TRHDE: variants seen among roughly 807,000 people sequenced by gnomAD.
TRHDE encodes the protein thyrotropin-releasing hormone-degrading ectoenzyme.
TRHDE carries 72 observed loss-of-function variants against 125.7 expected under a neutral mutation model. The observed-to-expected ratio is 0.57, with a 90% CI of 0.47 to 0.70. TRHDE has a LOEUF of 0.70. Among genes scored for constraint, TRHDE ranks in the 30% least tolerant of loss-of-function variants. The pLI, the probability that TRHDE is intolerant of heterozygous loss-of-function variation, is 0.00. For synonymous variants in TRHDE, 509 were observed against 509.1 expected, an observed-to-expected ratio of 1.00 and a Z score of 0.00; for missense variants, 1,110 against 1,327.1, an observed-to-expected ratio of 0.84 and a Z score of 2.54.
In TRHDE at chr12:72,507,893, C is replaced by A. The variant is rs561308451; in HGVS notation, c.1722+8258C>A. The stretch of plus-strand genomic sequence containing the variant: ...CTCTGTGCAGTCTTGGGACATGGCA[C>A]CCTGCATTGTGGCTGCCCTAGCTCC... On this transcript the variant is annotated intron_variant, in intron 6 of 18. Coordinates refer to ENST00000261180, the MANE Select transcript of TRHDE (RefSeq NM_013381.3). Among the ~76,000 whole-genome samples, 9 of 152,314 alleles carry A rather than the reference C, an allele frequency of 5.9e-5. No individual in the cohort carries two copies. The South Asian group carries it at 6.2e-4, about 11-fold the overall frequency.
intron 6 of TRHDE, among the ~76,000 whole-genome samples, chr12:72,501,805 G>T (rs750048632): frequency 3.3e-5 from 5 of 151,892 alleles, no homozygotes; most frequent in Non-Finnish European, 7.4e-5. Flanking sequence ...TAGCAGTAGG[G>T]ACCTGAAATT....
Position 72,542,273 on chromosome 12 carries a change from T to C in TRHDE, c.1723-18T>C. ...TACTTTGTTGAAATTCTGTTCTTTT[T>C]ATTATTCTTTCCTATAGGGTGCTGC... On this transcript the variant is annotated intron_variant, in intron 6 of 18. Transcript: ENST00000261180. 6.4e-7 allele frequency: 1 copy of C among 1,571,910 alleles called. No individual in the cohort carries two copies. The highest frequency in any genetic ancestry group is 2.3e-5 in the East Asian group (1 of 44,328).
At chr12:72,450,082 G>C (rs1003360668) in intron 3 of TRHDE, among the ~76,000 whole-genome samples, 1 of 151,682 alleles carries the variant, frequency 6.6e-6, no homozygotes, top group African/African-American at 2.4e-5. Context: ...AATCCCTCTG[G>C]GTATATCTCC....
chr12:72,207,434 T>C (rs1877690446), intron 2 of TRHDE, among the ~76,000 whole-genome samples: 1 of 152,142 alleles, frequency 6.6e-6, no homozygotes, highest in South Asian at 2.1e-4. Context: ...GGGTACCATA[T>C]GTCAATACTA....
Position 72,272,436 on chromosome 12 carries a change from C to G in TRHDE, c.-208C>G, listed in dbSNP as rs1045939875. The G allele has an allele frequency of 1.9e-5, 9 of 472,226 alleles. No homozygotes were observed. Among genetic ancestry groups the G allele is most frequent in the South Asian group, 8.8e-5 (4 of 45,674 alleles). The allele number at this position is 472,226 out of a possible 1,614,324, so 29.3% of individuals were successfully genotyped here. ...TGGGCGCGTCCCAGAGCTCACAGCC[C>G]GGTGTCCAGAGTGAGGCGGGGCTGA... On this transcript the variant is annotated 5_prime_UTR_variant, in exon 1 of 19. Coordinates refer to ENST00000261180, the MANE Select transcript of TRHDE (RefSeq NM_013381.3). This position sits in a 1 kb window ranked among gnomAD's most constrained non-coding sequence, Gnocchi z 6.7.
At chr12:72,589,364 T>TTCTGGGACTTAAAG (rs1871575221) in intron 12 of TRHDE, among the ~76,000 whole-genome samples, 1 of 152,176 alleles carries the variant, frequency 6.6e-6, no homozygotes, top group Non-Finnish European at 1.5e-5. Flanking sequence ...ACACTTTAAG[T>TTCTGGGACTTAAAG]TCTGGGATAC....
chr12:72,262,297 T>C (rs1167272872), intron 2 of TRHDE, among the ~76,000 whole-genome samples: 6 of 152,184 alleles, frequency 3.9e-5, no homozygotes, highest in Non-Finnish European at 7.4e-5. Context: ...AAGACTTGAT[T>C]ATTTGCATAT....
intron 2 of TRHDE, among the ~76,000 whole-genome samples, chr12:72,133,647 T>C (rs990164747): frequency 6.6e-6 from 1 of 151,514 alleles, no homozygotes; most frequent in Admixed American, 6.6e-5. Context: ...ATGACTGATA[T>C]AGAGGTCCAT....
At chr12:72,241,889 A>C (rs1377070604) in intron 2 of TRHDE, among the ~76,000 whole-genome samples, 3 of 151,982 alleles carry the variant, frequency 2.0e-5, no homozygotes, top group Admixed American at 2.0e-4. Context: ...TCATGGTTTT[A>C]ATTTGCATTA....
At chr12:72,363,602 G>A (rs905655083) in intron 2 of TRHDE, among the ~76,000 whole-genome samples, 1 of 152,028 alleles carries the variant, frequency 6.6e-6, no homozygotes, top group Non-Finnish European at 1.5e-5. Context: ...AATAAATTAG[G>A]TACTGATGGG....
At chr12:72,522,842 T>C (rs1868271575) in intron 6 of TRHDE, among the ~76,000 whole-genome samples, 1 of 152,144 alleles carries the variant, frequency 6.6e-6, no homozygotes, top group African/African-American at 2.4e-5. Context: ...GAAATGAAGA[T>C]CATGGAGAGT....
At chr12:72,299,844 G>A (rs1389204190) in intron 2 of TRHDE, among the ~76,000 whole-genome samples, 4 of 152,174 alleles carry the variant, frequency 2.6e-5, no homozygotes, top group Middle Eastern at 6.8e-3. Context: ...GTTTTATAAA[G>A]AAAAGGTAAC....
intron 12 of TRHDE, among the ~76,000 whole-genome samples, chr12:72,612,000 C>G (rs1170717731): frequency 2.6e-5 from 4 of 152,190 alleles, no homozygotes; most frequent in Non-Finnish European, 5.9e-5. Flanking sequence ...TTATTTCAGG[C>G]TTTTCATGCT....
At chr12:72,612,879 C>T (rs1872685521) in intron 12 of TRHDE, among the ~76,000 whole-genome samples, 1 of 151,972 alleles carries the variant, frequency 6.6e-6, no homozygotes, top group Non-Finnish European at 1.5e-5. Flanking sequence ...TATTAAGTAC[C>T]CAGTGGACTC....
chr12:72,294,137 GA>G (rs1880197900), intron 2 of TRHDE, among the ~76,000 whole-genome samples: 1 of 152,204 alleles, frequency 6.6e-6, no homozygotes, highest in Non-Finnish European at 1.5e-5. Flanking sequence ...TGGGCTCCCA[GA>G]AGGACTGCAG....
intron 5 of TRHDE, among the ~76,000 whole-genome samples, chr12:72,479,861 G>A (rs1466290306): frequency 1.4e-5 from 2 of 142,294 alleles, no homozygotes; most frequent in African/African-American, 5.2e-5. Context: ...CCCTTCCTGT[G>A]TCCATGTGTT....
intron 2 of TRHDE, among the ~76,000 whole-genome samples, chr12:72,325,611 A>G (rs1358268171): frequency 6.6e-6 from 1 of 152,184 alleles, no homozygotes; most frequent in African/African-American, 2.4e-5. Context: ...CCTATATTTA[A>G]TCATTCTTTA....
At chr12:72,311,052 A>G (rs1253581497) in intron 2 of TRHDE, among the ~76,000 whole-genome samples, 1 of 152,122 alleles carries the variant, frequency 6.6e-6, no homozygotes, top group Non-Finnish European at 1.5e-5. Flanking sequence ...TACCCTTCTT[A>G]GGTATATAGT....
intron 2 of TRHDE, among the ~76,000 whole-genome samples, chr12:72,315,764 C>G (rs934252595): frequency 2.6e-5 from 4 of 152,136 alleles, no homozygotes; most frequent in Non-Finnish European, 4.4e-5. Context: ...GCCCTCTTGT[C>G]CCTAATTCAC....
Sources: allele counts gnomAD v4.1 joint callset (sites outside exome capture counted in the v4.1 genomes callset), GRCh38; gene constraint gnomAD v4.1.1; non-coding constraint Gnocchi (gnomAD v3.1); transcripts MANE v1.5; gene names NCBI Gene and HGNC (gene_info 2026-07-23, HGNC 2026-07-21).